NCALD: variants seen among roughly 807,000 people sequenced by gnomAD.
NCALD encodes neurocalcin delta, also known as neurocalcin-delta.
Under a neutral mutation model 18.6 loss-of-function variants are expected in NCALD, and 10 were observed. The observed-to-expected ratio is 0.54, with a 90% CI of 0.33 to 0.91. NCALD has a LOEUF of 0.91. NCALD is among the 40% of genes least tolerant of loss of function. The pLI, the probability that NCALD is intolerant of heterozygous loss-of-function variation, is 0.03. For synonymous variants in NCALD, 88 were observed against 87.4 expected, an observed-to-expected ratio of 1.01 and a Z score of -0.04; for missense variants, 184 against 247.6, an observed-to-expected ratio of 0.74 and a Z score of 1.72.
intron 1 of NCALD, among the ~76,000 whole-genome samples, chr8:102,108,456 T>C (rs1213849249): frequency 6.6e-6 from 1 of 152,216 alleles, no homozygotes; most frequent in East Asian, 1.9e-4. Flanking sequence ...TCCTCAGGTG[T>C]TTTAAATGCC....
chr8:101,773,568 T>C (rs868741038), intron 1 of NCALD, among the ~76,000 whole-genome samples: 2 of 152,146 alleles, frequency 1.3e-5, no homozygotes, highest in Non-Finnish European at 1.5e-5. Flanking sequence ...CACCTGAGCA[T>C]CACCTAGGAA....
chr8:101,923,631 A>G (rs1416333087), intron 2 of NCALD, among the ~76,000 whole-genome samples: 2 of 152,238 alleles, frequency 1.3e-5, no homozygotes, highest in Non-Finnish European at 2.9e-5. Context: ...TAGCCTGGAG[A>G]GAATCCTTTT....
In NCALD at chr8:101,913,612, C is replaced by A. The variant is rs555259692; in HGVS notation, c.-107+2197G>T. ...TTTTGCTTGTTTTGGGACAGAGTTT[C>A]GCTCTTGTTGCCCAGGCTGGAGTGC... On this transcript the variant is annotated intron_variant, in intron 3 of 6. Coordinates refer to the NCALD transcript ENST00000311028. Among the ~76,000 whole-genome samples, 8 of 152,232 alleles carry A rather than the reference C, an allele frequency of 5.3e-5. No individual in the cohort carries two copies. The South Asian group carries it at 1.7e-3, about 32-fold the overall frequency.
chr8:102,059,306 C>G (rs566837948), intron 1 of NCALD, among the ~76,000 whole-genome samples: 1 of 152,320 alleles, frequency 6.6e-6, no homozygotes, highest in Non-Finnish European at 1.5e-5. Context: ...GCTCCCAAAT[C>G]TTCATATATT....
At chr8:102,098,490 C>T (rs1290778912) in intron 1 of NCALD, among the ~76,000 whole-genome samples, 2 of 147,010 alleles carry the variant, frequency 1.4e-5, no homozygotes, top group African/African-American at 2.4e-5. Flanking sequence ...CCCTGGGGGG[C>T]TGCATCATCC....
chr8:101,690,784 G>T, intron 3 of NCALD: 1 of 985,408 alleles, frequency 1.0e-6, no homozygotes, highest in Non-Finnish European at 1.2e-6. Flanking sequence ...TGCCCACATA[G>T]TAGTTACAAT....
intron 4 of NCALD, among the ~76,000 whole-genome samples, chr8:101,817,857 TA>T (rs1563797695): frequency 6.6e-6 from 1 of 152,206 alleles, no homozygotes; most frequent in Non-Finnish European, 1.5e-5. Context: ...CAAGGAGCAA[TA>T]CTATATCCTC....
chr8:101,890,229 A>G (rs1364734075), intron 3 of NCALD, among the ~76,000 whole-genome samples: 2 of 152,240 alleles, frequency 1.3e-5, no homozygotes, highest in African/African-American at 4.8e-5. Context: ...CACAGAAGAG[A>G]AAAACATGAA....
chr8:101,754,866 GAATA>G lies in NCALD; in HGVS notation c.-19-35222_-19-35219del, dbSNP rs201623777. 4.7e-3 allele frequency among the ~76,000 whole-genome samples: 710 copies of G among 151,928 alleles called. 9 individuals are homozygous for G. Among genetic ancestry groups the G allele is most frequent in the African/African-American group, 0.015 (622 of 41,298 alleles). On this transcript the variant is annotated intron_variant, in intron 1 of 3. Transcript: ENST00000220931. ...ATGTTTATTGAATGAATGAATGAAT[GAATA>G]AATGAATGAATGGATGGATGAATCA... is the stretch of plus-strand genomic sequence containing the variant.
chr8:101,695,582 C>T (rs1028864213), intron 2 of NCALD, among the ~76,000 whole-genome samples: 3 of 152,066 alleles, frequency 2.0e-5, no homozygotes, highest in African/African-American at 7.2e-5. Flanking sequence ...TGGACTCTTA[C>T]CCATGTGTTA....
chr8:101,984,156 T>G (rs1029824904), intron 2 of NCALD, among the ~76,000 whole-genome samples: 1 of 152,188 alleles, frequency 6.6e-6, no homozygotes, highest in African/African-American at 2.4e-5. Context: ...CCTTATTACT[T>G]GGACAGTTCT....
chr8:102,117,539 C>G (rs948769303), intron 1 of NCALD, among the ~76,000 whole-genome samples: 5 of 150,802 alleles, frequency 3.3e-5, no homozygotes, highest in African/African-American at 1.2e-4. Flanking sequence ...ACAGTATTCT[C>G]TTATTGCAGC....
At chr8:101,935,329 T>C (rs1219188392) in intron 2 of NCALD, among the ~76,000 whole-genome samples, 1 of 152,228 alleles carries the variant, frequency 6.6e-6, no homozygotes, top group Non-Finnish European at 1.5e-5. Context: ...GATAAGATTT[T>C]ATTTACATCA....
intron 2 of NCALD, among the ~76,000 whole-genome samples, chr8:101,947,581 T>G (rs559465468): frequency 5.9e-5 from 9 of 152,286 alleles, no homozygotes; most frequent in Admixed American, 5.2e-4. Flanking sequence ...GGATCCTCAG[T>G]TATTTGGGGA....
intron 4 of NCALD, among the ~76,000 whole-genome samples, chr8:101,797,248 A>C (rs1365411910): frequency 1.3e-5 from 2 of 152,256 alleles, no homozygotes; most frequent in African/African-American, 4.8e-5. Flanking sequence ...AACGCAAAAC[A>C]ACAAATTTAA....
Position 101,688,263 on chromosome 8 carries a change from C to A in NCALD, c.*1046G>T, listed in dbSNP as rs915709481. 6 of 189,768 alleles carry A rather than the reference C, an allele frequency of 3.2e-5. No homozygotes were observed. The East Asian group carries it at 5.4e-4, about 17-fold the overall frequency. The allele number at this position is 189,768 out of a possible 1,614,324, so 11.8% of individuals were successfully genotyped here. On this transcript the variant is annotated 3_prime_UTR_variant, in exon 4 of 4. Coordinates refer to ENST00000220931, the MANE Select transcript of NCALD (RefSeq NM_032041.3). ...GTGCTCCAATTGTCCTGTCCCACTA[C>A]CACCTGCTCTGCATCTGCCCTCTAG...
intron 1 of NCALD, among the ~76,000 whole-genome samples, chr8:102,114,915 CTCT>C (rs1825739693): frequency 6.6e-6 from 1 of 152,216 alleles, no homozygotes; most frequent in Non-Finnish European, 1.5e-5. Flanking sequence ...GGCCTGGTCA[CTCT>C]TTGGGAGTTA....
chr8:101,853,956 AGCCACT>A (rs1490555275), intron 4 of NCALD, among the ~76,000 whole-genome samples: 1 of 152,202 alleles, frequency 6.6e-6, no homozygotes, highest in Non-Finnish European at 1.5e-5. Flanking sequence ...TTGACCTGTA[AGCCACT>A]GCATGAGGCA....
At chr8:101,848,563 TA>T (rs1392730124) in intron 4 of NCALD, among the ~76,000 whole-genome samples, 1 of 152,204 alleles carries the variant, frequency 6.6e-6, no homozygotes, top group Non-Finnish European at 1.5e-5. Flanking sequence ...ATGATTCCCA[TA>T]ATCTATGGGT....
Sources: allele counts gnomAD v4.1 joint callset (sites outside exome capture counted in the v4.1 genomes callset), GRCh38; gene constraint gnomAD v4.1.1; transcripts MANE v1.5; gene names NCBI Gene and HGNC (gene_info 2026-07-23, HGNC 2026-07-21).